EIF1AD: variants seen among roughly 807,000 people sequenced by gnomAD.
EIF1AD encodes the protein probable RNA-binding protein EIF1AD.
EIF1AD carries 9 observed loss-of-function variants against 21.7 expected under a neutral mutation model. That is an observed-to-expected ratio of 0.41 (90% confidence interval 0.25 to 0.72). EIF1AD has a LOEUF of 0.72. Ranked by LOEUF, EIF1AD falls within the 30% of genes least tolerant of loss-of-function variation. The pLI is 0.29. For synonymous variants in EIF1AD, 78 were observed against 70.9 expected (o/e 1.10, Z -0.50); for missense variants, 164 against 199.7 (o/e 0.82, Z 1.08).
chr11:65,999,895 G>A (rs1469642176), intron 3 of EIF1AD, 158 bp downstream of exon 3: 15 of 660,374 alleles, frequency 2.3e-5, no homozygotes, highest in Non-Finnish European at 3.4e-5. Context: ...TGATTCTCAG[G>A]CCTCAGCCTC....
chr11:65,997,875 ACAAT>A lies in EIF1AD; in HGVS notation c.*720_*723del, dbSNP rs1387592293. 2.0e-5 allele frequency: 3 copies of A among 152,240 alleles called. No homozygotes were observed. Among genetic ancestry groups the A allele is most frequent in the South Asian group, 2.1e-4 (1 of 4,830 alleles). The allele number at this position is 152,240 out of a possible 1,614,324, so 9.4% of individuals were successfully genotyped here. A position where few individuals can be genotyped will look rare whatever the true frequency, so the allele number is the denominator to read the frequency against. ...CAGCCTCTATTTAAAAGGTTATAAG[ACAAT>A]CAATGTCCTCAGGGAATAATCAGGT... On this transcript the variant is annotated 3_prime_UTR_variant, in exon 6 of 6. Transcript: ENST00000533544.
intron 4 of EIF1AD, 57 bp downstream of exon 4, chr11:65,999,510 G>A (rs1296338017): frequency 3.1e-6 from 5 of 1,595,832 alleles, no homozygotes; most frequent in African/African-American, 1.3e-5. Context: ...TAATTCCCAA[G>A]CTAGGAAGGC....
chr11:65,998,426 CA>C lies in EIF1AD; in HGVS notation c.*172del. 1 of 726,508 alleles carries C rather than the reference CA, an allele frequency of 1.4e-6. No homozygotes were observed. Among genetic ancestry groups the C allele is most frequent in the Non-Finnish European group, 2.1e-6 (1 of 479,108 alleles). 45.0% of individuals were successfully genotyped at this position (726,508 alleles called of 1,614,324 possible). A position where few individuals can be genotyped will look rare whatever the true frequency, so the allele number is the denominator to read the frequency against. ...CGAGAGAGCCACTCAGACACCAGAA[CA>C]AGTCACCAACCCACCAGGGGTTTAA... On this transcript the variant is annotated 3_prime_UTR_variant, in exon 6 of 6. Transcript: ENST00000533544.
At chr11:65,999,508 A>T in intron 4 of EIF1AD, 59 bp downstream of exon 4, 1 of 1,597,384 alleles carries the variant, frequency 6.3e-7, no homozygotes, top group Non-Finnish European at 8.6e-7. Context: ...CCTAATTCCC[A>T]AGCTAGGAAG....
Position 65,998,628 on chromosome 11 carries a change from C to T in EIF1AD, c.469G>A (p.Glu157Lys). ...TNRRQYHESE[E>K]ESEEEEAA ...GCTGCCTCCTCCTCTTCACTCTCCT[C>T]CTCACTCTCATGATACTGTCTGCGG... Residue 157 changes from glutamate to lysine, a missense_variant, in exon 6 of 6, where the codon GAG (glutamate) becomes AAG (lysine). Glu to Lys is a moderately conservative substitution (Grantham distance 56, BLOSUM62 1). Transcript: ENST00000533544. 6.2e-7 allele frequency: 1 copy of T among 1,614,080 alleles called. No individual in the cohort carries two copies.
chr11:65,998,996 C>T (rs780960881), intron 5 of EIF1AD, among the ~76,000 whole-genome samples: 5 of 152,196 alleles, frequency 3.3e-5, no homozygotes, highest in Non-Finnish European at 5.9e-5. Flanking sequence ...GATTCTACGA[C>T]CACCAACTAA....
intron 2 of EIF1AD, 66 bp downstream of exon 2, chr11:66,000,237 C>T (rs1855894090): frequency 1.9e-6 from 3 of 1,609,172 alleles, no homozygotes. Context: ...ACCCTACCCC[C>T]ACCCCAGGGG....
chr11:65,999,771 T>C, intron 3 of EIF1AD, 96 bp from the exon 4 acceptor site: 3 of 813,184 alleles, frequency 3.7e-6, no homozygotes, highest in Non-Finnish European at 6.0e-6. Context: ...GAGGGCTGCC[T>C]CTCTCACCTC....
rs1855899135 is a variant in EIF1AD at position 66,000,341 on chromosome 11, C to T, written c.49G>A (p.Glu17Lys). The T allele has an allele frequency of 6.2e-7, 1 of 1,613,240 alleles. No individual in the cohort carries two copies. The highest frequency in any genetic ancestry group is 8.5e-7 in the Non-Finnish European group (1 of 1,179,698). The change falls in exon 2 of 6, where the codon GAG (glutamate) becomes AAG (lysine). Residue 17 changes from glutamate (E) to lysine (K), a missense_variant. Transcript: ENST00000533544. The part of the protein sequence containing the change: ...RKHVVKEVLG[E>K]HIVPSDQQQI... ...TGCTGGTCGGAGGGCACTATGTGCT[C>T]CCCTAGCACCTCCTTCACCACATGC...
chr11:66,000,610 G>A (rs1387432763), intron 1 of EIF1AD, 105 bp from the exon 2 acceptor site: 1 of 559,808 alleles, frequency 1.8e-6, no homozygotes, highest in South Asian at 2.1e-5. Context: ...AACTTCTCTA[G>A]GTCCCAGAAA....
At chr11:65,999,022 TATCAC>T (rs1855833792) in intron 5 of EIF1AD, among the ~76,000 whole-genome samples, 1 of 152,218 alleles carries the variant, frequency 6.6e-6, no homozygotes, top group Non-Finnish European at 1.5e-5. Context: ...AATGGACCCA[TATCAC>T]ATAACAGATA....
At chr11:65,999,859 T>G (rs1406363225) in intron 3 of EIF1AD, 184 bp from the exon 4 acceptor site, 2 of 641,098 alleles carry the variant, frequency 3.1e-6, no homozygotes, top group Non-Finnish European at 5.4e-6. Context: ...CATAGCTGAC[T>G]GCAGCCTCCA....
In EIF1AD at chr11:65,998,623, C is replaced by G; in HGVS notation, c.474G>C (p.Glu158Asp). The G allele has an allele frequency of 3.1e-6, 5 of 1,614,040 alleles. No individual in the cohort carries two copies. The highest frequency in any genetic ancestry group is 4.2e-6 in the Non-Finnish European group (5 of 1,180,018). ...CTCAGGCTGCCTCCTCCTCTTCACT[C>G]TCCTCCTCACTCTCATGATACTGTC... Reference protein sequence around the residue: ...NRRQYHESEEESEEEEAA With the variant: ...NRRQYHESEEDSEEEEAA Residue 158 changes from glutamate (E) to aspartate (D), a missense_variant, in exon 6 of 6, where the codon GAG becomes GAC. By Grantham distance (45) the Glu-to-Asp change is conservative. Coordinates refer to ENST00000533544, the MANE Select transcript of EIF1AD (RefSeq NM_001242481.2).
chr11:65,998,758 G>C lies in EIF1AD; in HGVS notation c.354-15C>G. Reference sequence around the variant, plus strand: ...GTTGAGTTTGTCTGCACGAAGGGAAGAGAGCAGGGTTAGCCCAGCGCCTTC... The same window carrying C: ...GTTGAGTTTGTCTGCACGAAGGGAACAGAGCAGGGTTAGCCCAGCGCCTTC... On this transcript the variant is annotated splice_polypyrimidine_tract_variant and intron_variant, in intron 5 of 5. Transcript: ENST00000533544. 1 of 1,613,884 alleles carries C rather than the reference G, an allele frequency of 6.2e-7. No individual in the cohort carries two copies. The highest frequency in any genetic ancestry group is 8.5e-7 in the Non-Finnish European group (1 of 1,179,890).
intron 1 of EIF1AD, among the ~76,000 whole-genome samples, chr11:66,001,220 T>C (rs1162843779): frequency 6.6e-6 from 1 of 152,124 alleles, no homozygotes; most frequent in Non-Finnish European, 1.5e-5. Flanking sequence ...ACGCCTGTAA[T>C]CCCAGCACTT....
At chr11:65,998,867 G>T in intron 5 of EIF1AD, 124 bp from the exon 6 acceptor site, 1 of 1,096,950 alleles carries the variant, frequency 9.1e-7, no homozygotes, top group Non-Finnish European at 1.3e-6. Context: ...ACCCTTTAAA[G>T]ACTCAAACAA....
rs1189749531 is a variant in EIF1AD at position 65,996,612 on chromosome 11, T to C, written c.*1987A>G. ...ATACATTTTATACATTATATTCATA[T>C]ATACATATATACAAATGTATATATG... On this transcript the variant is annotated 3_prime_UTR_variant, in exon 6 of 6. Coordinates refer to ENST00000533544, the MANE Select transcript of EIF1AD (RefSeq NM_001242481.2). 2.0e-5 allele frequency: 3 copies of C among 152,118 alleles called. No homozygotes were observed. The highest frequency in any genetic ancestry group is 6.5e-5 in the Admixed American group (1 of 15,268). The allele number at this position is 152,118 out of a possible 1,614,324, so 9.4% of individuals were successfully genotyped here.
rs1855730965 is a variant in EIF1AD at position 65,996,547 on chromosome 11, T to C, written c.*2052A>G. On this transcript the variant is annotated 3_prime_UTR_variant, in exon 6 of 6. Transcript: ENST00000533544. ...AAAGATAGATACACACACATACATA[T>C]CTTTAACCCATCTCGTTTATTTTTT... 6.6e-6 allele frequency: 1 copy of C among 152,058 alleles called. No individual in the cohort carries two copies. Among genetic ancestry groups the C allele is most frequent in the African/African-American group, 2.4e-5 (1 of 41,382 alleles). 9.4% of individuals were successfully genotyped at this position (152,058 alleles called of 1,614,324 possible).
chr11:65,999,836 G>A lies in EIF1AD; in HGVS notation c.197-161C>T. On this transcript the variant is annotated intron_variant, in intron 3 of 5. Transcript: ENST00000533544. ...CTTGCTCTGTTGCCCAGGCTGGCAA[G>A]CAATAGCATGATCATAGCTGACTGC... 7 of 653,366 alleles carry A rather than the reference G, an allele frequency of 1.1e-5. No individual in the cohort carries two copies. The South Asian group carries it at 1.1e-4, about 11-fold the overall frequency. The allele number at this position is 653,366 out of a possible 1,614,324, so 40.5% of individuals were successfully genotyped here.
Sources: allele counts gnomAD v4.1 joint callset (sites outside exome capture counted in the v4.1 genomes callset), GRCh38; gene constraint gnomAD v4.1.1; transcripts MANE v1.5; gene names NCBI Gene and HGNC (gene_info 2026-07-23, HGNC 2026-07-21).